Variants in PCDH11X observed in about 807,000 individuals in gnomAD.
The protein encoded by PCDH11X is protocadherin 11 X-linked.
A neutral mutation model predicts 53.3 loss-of-function variants in PCDH11X; 18 were observed. That is an observed-to-expected ratio of 0.34 (90% CI 0.23 to 0.50). The LOEUF (loss-of-function observed/expected upper bound fraction) is 0.50. Among genes scored for constraint, PCDH11X ranks in the 20% least tolerant of loss-of-function variants. The probability of loss-of-function intolerance (pLI) is 0.98; values close to 1 mark genes in which losing one functional copy is unlikely to be tolerated. For missense variants in PCDH11X, 570 were observed against 1,032.4 expected (o/e 0.55, Z 6.14); for synonymous variants, 279 against 393.3 (o/e 0.71, Z 3.44).
rs766940165 is a variant in PCDH11X at position 92,201,442 on chromosome X, A to G, written c.3101A>G (p.His1034Arg). ...TCTACAACTATGGAGATCTGGATTC[A>G]TCCCCAACCACAGGTATGGCAAAAG... Reference protein sequence around the residue: ...KESTTMEIWIHPQPQRKSEGK... With the variant: ...KESTTMEIWIRPQPQRKSEGK... The change falls in exon 7 of 11, where the codon CAT (histidine) becomes CGT (arginine). Residue 1034 changes from histidine (H) to arginine (R), a missense_variant. Physicochemically the swap from His to Arg is conservative, Grantham distance 29 (BLOSUM62 0). Coordinates refer to ENST00000682573, the MANE Select transcript of PCDH11X (RefSeq NM_032968.5). 1.9e-5 allele frequency: 22 copies of G among 1,184,223 alleles called. No homozygotes were observed. The East Asian group carries it at 5.4e-4, about 29-fold the overall frequency.
intron 6 of PCDH11X, among the ~76,000 whole-genome samples, chrX:92,063,259 G>A (rs983992661): frequency 9.2e-6 from 1 of 109,289 alleles, no homozygotes; most frequent in African/African-American, 3.3e-5. Flanking sequence ...GTTGATTGGT[G>A]CAGCAAACTA....
rs370384761 is a variant in PCDH11X, at chrX:92,073,561, C to T, written c.3034-127814C>T. 5.4e-4 allele frequency among the ~76,000 whole-genome samples: 61 copies of T among 112,355 alleles called. No homozygotes were observed. The East Asian group carries it at 8.7e-3, about 16-fold the overall frequency. ...TCTTACCATGTTTCATCCACCTTAC[C>T]TAATTTATATTCTCTAAATATCTGC... On this transcript the variant is annotated intron_variant, in intron 6 of 10. Transcript: ENST00000682573.
intron 6 of PCDH11X, among the ~76,000 whole-genome samples, chrX:92,161,688 C>T (rs762996791): frequency 9.0e-4 from 91 of 100,689 alleles, no homozygotes; most frequent in Non-Finnish European, 1.7e-3. Context: ...TAATCCTAAA[C>T]TTCTTGGAGG....
chrX:91,963,520 G>C (rs773117613), intron 6 of PCDH11X, among the ~76,000 whole-genome samples: 2 of 111,366 alleles, frequency 1.8e-5, no homozygotes, highest in African/African-American at 3.3e-5. Context: ...TCAGCATTTT[G>C]GTCAAAGCCA....
chrX:92,486,211 T>G (rs142024073), intron 10 of PCDH11X, among the ~76,000 whole-genome samples: 1 of 111,346 alleles, frequency 9.0e-6, no homozygotes, highest in Non-Finnish European at 1.9e-5. Flanking sequence ...AAGTTGTAAA[T>G]TTTTTACAAT....
At chrX:91,863,838 A>G (rs1455159654) in intron 5 of PCDH11X, among the ~76,000 whole-genome samples, 5 of 111,655 alleles carry the variant, frequency 4.5e-5, no homozygotes, top group Non-Finnish European at 9.4e-5. Flanking sequence ...TAAGCTGATA[A>G]TAGCTTAACA....
intron 9 of PCDH11X, among the ~76,000 whole-genome samples, chrX:92,402,091 G>A (rs1268899961): frequency 9.0e-6 from 1 of 110,624 alleles, no homozygotes; most frequent in Non-Finnish European, 1.9e-5. Context: ...GAAAAAAGGG[G>A]ACCTGATATA....
intron 1 of PCDH11X, among the ~76,000 whole-genome samples, chrX:91,805,951 A>C (rs1169952963): frequency 9.0e-6 from 1 of 111,268 alleles, no homozygotes; most frequent in African/African-American, 3.3e-5. Flanking sequence ...TGAAGTGCCT[A>C]GGACTTTTTT....
intron 6 of PCDH11X, among the ~76,000 whole-genome samples, chrX:92,173,695 A>G (rs1402168656): frequency 2.7e-5 from 3 of 110,374 alleles, no homozygotes; most frequent in Admixed American, 9.8e-5. Flanking sequence ...TCTTTCAAGG[A>G]TGTAATGAGA....
intron 10 of PCDH11X, among the ~76,000 whole-genome samples, chrX:92,514,023 A>G (rs754361520): frequency 8.9e-6 from 1 of 111,837 alleles, no homozygotes; most frequent in African/African-American, 3.3e-5. Context: ...AGGCTAATCC[A>G]TATTGTAGTA....
intron 7 of PCDH11X, among the ~76,000 whole-genome samples, chrX:92,209,497 C>A (rs1384085127): frequency 2.7e-5 from 3 of 112,515 alleles, no homozygotes; most frequent in Non-Finnish European, 5.6e-5. Context: ...TACATCCAGG[C>A]CACACTGATG....
intron 8 of PCDH11X, among the ~76,000 whole-genome samples, chrX:92,276,555 C>A (rs1314277294): frequency 1.8e-5 from 2 of 110,620 alleles, no homozygotes; most frequent in Non-Finnish European, 3.8e-5. Context: ...TGGAGGAATG[C>A]CTGGCTGCTG....
chrX:92,114,121 T>C (rs2064583056), intron 6 of PCDH11X: 1 of 1,175,662 alleles, frequency 8.5e-7, no homozygotes, highest in Admixed American at 2.2e-5. Context: ...CTGTATCTGC[T>C]GAGCCAATTC....
At chrX:92,173,674 T>G (rs1489538622) in intron 6 of PCDH11X, among the ~76,000 whole-genome samples, 2 of 110,633 alleles carry the variant, frequency 1.8e-5, no homozygotes, top group Non-Finnish European at 3.8e-5. Context: ...AAAATGTATT[T>G]TGTAATTTTA....
intron 5 of PCDH11X, among the ~76,000 whole-genome samples, chrX:91,875,132 C>T (rs1199593631): frequency 9.0e-6 from 1 of 110,587 alleles, no homozygotes; most frequent in Non-Finnish European, 1.9e-5. Flanking sequence ...TTCATACCCT[C>T]CAGTACCTTT....
At chrX:92,249,687 T>C (rs1042945195) in intron 7 of PCDH11X, among the ~76,000 whole-genome samples, 2 of 112,324 alleles carry the variant, frequency 1.8e-5, no homozygotes, top group African/African-American at 6.5e-5. Flanking sequence ...CTACATTGTT[T>C]TGAGAATATT....
chrX:92,521,309 A>G (rs1210800185), intron 10 of PCDH11X, among the ~76,000 whole-genome samples: 1 of 112,354 alleles, frequency 8.9e-6, no homozygotes, highest in African/African-American at 3.2e-5. Flanking sequence ...GTTAGCAAGA[A>G]TGAAAACAAC....
At chrX:92,191,030 A>T (rs1282075777) in intron 6 of PCDH11X, among the ~76,000 whole-genome samples, 2 of 112,061 alleles carry the variant, frequency 1.8e-5, no homozygotes, top group African/African-American at 3.2e-5. Context: ...ATGTTTGTAT[A>T]AGTTAATGCT....
chrX:92,418,912 C>T (rs1274221003), intron 9 of PCDH11X, among the ~76,000 whole-genome samples: 3 of 106,815 alleles, frequency 2.8e-5, no homozygotes, highest in East Asian at 5.9e-4. Flanking sequence ...CCAGTGCTTT[C>T]GTTGCATCTT....
Sources: gnomAD v4.1 joint callset for allele counts (sites outside exome capture counted in the v4.1 genomes callset) on GRCh38, gnomAD v4.1.1 for gene constraint, MANE v1.5 for transcripts, NCBI Gene and HGNC (gene_info 2026-07-23, HGNC 2026-07-21) for gene names.